STK3: variants seen among roughly 807,000 people sequenced by gnomAD.
The protein encoded by STK3 is serine/threonine-protein kinase 3.
A neutral mutation model predicts 58.0 loss-of-function variants in STK3; 41 were observed. The ratio of observed to expected loss-of-function variants is 0.71; its 90% CI spans 0.55 to 0.92. STK3 has a LOEUF of 0.92. STK3 is among the 40% of genes least tolerant of loss of function. STK3 has a pLI of 0.00. For synonymous variants in STK3, 170 were observed against 191.0 expected (o/e 0.89, Z 0.91); for missense variants, 479 against 602.7 (o/e 0.79, Z 2.15).
At chr8:98,601,779 G>C (rs1228219108) in intron 6 of STK3, 2 of 152,212 alleles carry the variant, frequency 1.3e-5, no homozygotes, top group African/African-American at 4.8e-5. Context: ...CAGTTGTGAA[G>C]TTTGAAACCT....
intron 3 of STK3, among the ~76,000 whole-genome samples, chr8:98,865,651 A>G (rs1256823710): frequency 1.3e-5 from 2 of 152,174 alleles, no homozygotes; most frequent in Non-Finnish European, 2.9e-5. Context: ...TGTCCAGCCT[A>G]GTTTGCTATT....
At chr8:98,860,399 G>A (rs1435156541) in intron 3 of STK3, among the ~76,000 whole-genome samples, 1 of 152,166 alleles carries the variant, frequency 6.6e-6, no homozygotes, top group Non-Finnish European at 1.5e-5. Flanking sequence ...CTAGGCAGAG[G>A]GAACAGCAAG....
At chr8:98,731,413 G>C (rs1053731966) in intron 4 of STK3, among the ~76,000 whole-genome samples, 3 of 152,074 alleles carry the variant, frequency 2.0e-5, no homozygotes, top group Non-Finnish European at 4.4e-5. Context: ...AAGGGGAAAG[G>C]GTTCCTCTCT....
intron 6 of STK3, chr8:98,602,193 G>T (rs1219549693): frequency 1.3e-5 from 2 of 152,324 alleles, no homozygotes; most frequent in Non-Finnish European, 2.9e-5. Context: ...AGGCAAGACA[G>T]TGTCTTCTAT....
intron 6 of STK3, among the ~76,000 whole-genome samples, chr8:98,619,712 A>G (rs373383911): frequency 2.8e-5 from 4 of 144,916 alleles, no homozygotes; most frequent in Non-Finnish European, 6.0e-5. Context: ...AATACATGAA[A>G]AAATGCTCAT....
At chr8:98,788,933 T>A (rs1398413124) in intron 1 of STK3, among the ~76,000 whole-genome samples, 2 of 152,160 alleles carry the variant, frequency 1.3e-5, no homozygotes, top group East Asian at 3.8e-4. Flanking sequence ...ATACAGAACA[T>A]TCTACTCAAC....
At chr8:98,780,084 G>A (rs1831985240) in intron 1 of STK3, among the ~76,000 whole-genome samples, 1 of 151,588 alleles carries the variant, frequency 6.6e-6, no homozygotes, top group Non-Finnish European at 1.5e-5. Context: ...TTTTAATAAT[G>A]TAGTATAACA....
At chr8:98,792,061 T>C (rs1160008884) in intron 1 of STK3, among the ~76,000 whole-genome samples, 1 of 152,156 alleles carries the variant, frequency 6.6e-6, no homozygotes, top group Non-Finnish European at 1.5e-5. Context: ...AATCTATACA[T>C]CTGACAAAGG....
chr8:98,458,725 G>T (rs903131546), intron 10 of STK3, among the ~76,000 whole-genome samples: 1 of 152,146 alleles, frequency 6.6e-6, no homozygotes, highest in Admixed American at 6.5e-5. Flanking sequence ...CACAATATCT[G>T]ATGGTTTTAT....
chr8:98,893,470 GAA>G (rs530413820), intron 1 of STK3, among the ~76,000 whole-genome samples: 1,715 of 75,286 alleles, frequency 0.023, 21 homozygotes, highest in African/African-American at 0.049. Flanking sequence ...AAGAAAGAAA[GAA>G]AGAAAGAAAG....
At chr8:98,543,823 C>A (rs376590405) in intron 9 of STK3, among the ~76,000 whole-genome samples, 1 of 152,114 alleles carries the variant, frequency 6.6e-6, no homozygotes, top group Admixed American at 6.5e-5. Flanking sequence ...CTTGATCTGG[C>A]AGCCCTCATC....
chr8:98,763,383 C>CA (rs1830750686), intron 3 of STK3, among the ~76,000 whole-genome samples: 1 of 151,884 alleles, frequency 6.6e-6, no homozygotes, highest in Admixed American at 6.6e-5. Flanking sequence ...TTAAAATGAA[C>CA]AAAAAAAGAT....
intron 1 of STK3, chr8:98,921,161 A>G (rs899747692): frequency 3.9e-5 from 6 of 151,990 alleles, no homozygotes; most frequent in Admixed American, 3.9e-4. Flanking sequence ...TTATTTGTCT[A>G]CTATCTATTT....
chr8:98,385,822 A>G (rs941113684), intron 1 of STK3, among the ~76,000 whole-genome samples: 1 of 152,182 alleles, frequency 6.6e-6, no homozygotes, highest in Non-Finnish European at 1.5e-5. Context: ...GGGTCCTGAA[A>G]TTCACCAGCG....
chr8:98,569,335 G>C (rs924934569), intron 8 of STK3, among the ~76,000 whole-genome samples: 2 of 152,002 alleles, frequency 1.3e-5, no homozygotes, highest in Non-Finnish European at 2.9e-5. Flanking sequence ...GACAGCATCA[G>C]GGATAAAGAG....
chr8:98,914,534 A>G (rs1012020440), intron 1 of STK3, among the ~76,000 whole-genome samples: 4 of 151,994 alleles, frequency 2.6e-5, no homozygotes, highest in African/African-American at 9.7e-5. Context: ...ACGGGGCTTG[A>G]AATTATTTCA....
intron 1 of STK3, among the ~76,000 whole-genome samples, chr8:98,806,220 A>G (rs561775318): frequency 2.6e-3 from 390 of 152,346 alleles, no homozygotes; most frequent in Middle Eastern, 0.01. Flanking sequence ...TGAATAAACA[A>G]ATGAAAACAA....
At chr8:98,848,036 TA>T (rs1423382447) in intron 3 of STK3, among the ~76,000 whole-genome samples, 2 of 152,108 alleles carry the variant, frequency 1.3e-5, no homozygotes, top group Non-Finnish European at 2.9e-5. Context: ...CCTTCTTGTT[TA>T]AAAAAACAGT....
intron 4 of STK3, among the ~76,000 whole-genome samples, chr8:98,718,308 T>C (rs1042225491): frequency 5.3e-5 from 8 of 152,160 alleles, no homozygotes; most frequent in African/African-American, 1.9e-4. Flanking sequence ...TAAAGAAGGC[T>C]GAAGTTTAAT....
Sources: gnomAD v4.1 joint callset for allele counts (sites outside exome capture counted in the v4.1 genomes callset) on GRCh38, gnomAD v4.1.1 for gene constraint, MANE v1.5 for transcripts, NCBI Gene and HGNC (gene_info 2026-07-23, HGNC 2026-07-21) for gene names.